NPNT: variants seen among roughly 807,000 people sequenced by gnomAD.
The protein encoded by NPNT is preosteoblast EGF-like repeat protein with MAM domain.
In NPNT, 45 loss-of-function variants were observed where a neutral mutation model predicts 68.6. The observed-to-expected ratio is 0.66, with a 90% confidence interval of 0.52 to 0.84. The LOEUF (loss-of-function observed/expected upper bound fraction) is 0.84, where lower values mean the gene tolerates loss of function less well. NPNT is among the 40% of genes least tolerant of loss of function. The probability of loss-of-function intolerance (pLI) is 0.00; values close to 1 mark genes in which losing one functional copy is unlikely to be tolerated. For synonymous variants in NPNT, 233 were observed against 253.3 expected, an observed-to-expected ratio of 0.92 and a Z score of 0.76; for missense variants, 672 against 714.8, an observed-to-expected ratio of 0.94 and a Z score of 0.68.
Position 105,940,098 on chromosome 4 carries a change from A to G in NPNT, c.529A>G (p.Arg177Gly). 6.2e-7 allele frequency: 1 copy of G among 1,613,382 alleles called. No homozygotes were observed. The highest frequency in any genetic ancestry group is 1.1e-5 in the South Asian group (1 of 91,070). The change falls in exon 6 of 12, where the codon AGA becomes GGA. Residue 177 changes from arginine to glycine, a missense_variant. Transcript: ENST00000379987. ...CVDVDECATG[R>G]ASCPRFRQCV... ...AGATGTTGATGAATGTGCTACAGGA[A>G]GAGCCTCCTGCCCTAGATTTAGGCA...
In NPNT at chr4:105,959,137, T is replaced by G. The variant is rs750070696; in HGVS notation, c.1345+11T>G. ...TCAGGGACCCAGCAGGTAAAACCAT[T>G]TCATTTAACTTTTTCTGGTACACAT... On this transcript the variant is annotated intron_variant, in intron 10 of 11. Transcript: ENST00000379987. 27 of 1,562,498 alleles carry G rather than the reference T, an allele frequency of 1.7e-5. No homozygotes were observed. The South Asian group carries it at 3.0e-4, about 17-fold the overall frequency.
intron 2 of NPNT, among the ~76,000 whole-genome samples, chr4:105,909,964 T>C (rs1213959967): frequency 6.6e-6 from 1 of 152,180 alleles, no homozygotes; most frequent in Non-Finnish European, 1.5e-5. Context: ...TAGCATTTTA[T>C]TATTTCTTTT....
rs1363839212 is a variant in NPNT, at chr4:105,955,806, C to T, written c.1160-2665C>T. Among the ~76,000 whole-genome samples, 4 of 151,578 alleles carry T rather than the reference C, an allele frequency of 2.6e-5. No individual in the cohort carries two copies. The East Asian group carries it at 5.8e-4, about 22-fold the overall frequency. On this transcript the variant is annotated intron_variant, in intron 8 of 11. Transcript: ENST00000379987. ...TTTTCACATAAACTCTAAAGTGTAT[C>T]GGGGGTGGGTAGTTTTTTTTCTCTT... is the stretch of plus-strand genomic sequence containing the variant.
At chr4:105,913,349 G>T (rs1727531837) in intron 2 of NPNT, among the ~76,000 whole-genome samples, 1 of 152,190 alleles carries the variant, frequency 6.6e-6, no homozygotes, top group African/African-American at 2.4e-5. Flanking sequence ...AGCAGTTATA[G>T]GATTGACTAG....
intron 1 of NPNT, among the ~76,000 whole-genome samples, chr4:105,897,680 G>A (rs1224805758): frequency 1.3e-5 from 2 of 152,080 alleles, no homozygotes; most frequent in Non-Finnish European, 2.9e-5. Context: ...TCCTACCCTT[G>A]TGTGTTGGGG....
chr4:105,961,330 G>C (rs1731702511), intron 10 of NPNT, among the ~76,000 whole-genome samples: 1 of 152,162 alleles, frequency 6.6e-6, no homozygotes, highest in South Asian at 2.1e-4. Context: ...ACTGACCACT[G>C]ACCTGGAGTA....
chr4:105,912,391 A>T (rs1727443591), intron 2 of NPNT, among the ~76,000 whole-genome samples: 1 of 152,212 alleles, frequency 6.6e-6, no homozygotes, highest in African/African-American at 2.4e-5. Flanking sequence ...AGATGTGCTT[A>T]TTCTATACAT....
At chr4:105,937,920 A>G (rs1327627055) in intron 4 of NPNT, among the ~76,000 whole-genome samples, 1 of 152,224 alleles carries the variant, frequency 6.6e-6, no homozygotes, top group Non-Finnish European at 1.5e-5. Flanking sequence ...GAATTAGGTG[A>G]ATACATGTTT....
At position 105,967,311 on chromosome 4, in the gene NPNT, C is replaced by T. The variant is rs141917363; in HGVS notation, c.1469C>T (p.Thr490Met). The T allele has an allele frequency of 1.1e-3, 1,725 of 1,613,712 alleles. 3 individuals carry two copies. Among genetic ancestry groups the T allele is most frequent in the Non-Finnish European group, 1.3e-3 (1,507 of 1,179,854 alleles). The change falls in exon 11 of 12, where the codon ACG becomes ATG. Residue 490 changes from threonine (T) to methionine (M), a missense_variant. By Grantham distance (81) the Thr-to-Met change is moderately conservative. Transcript: ENST00000379987. Reference sequence around the variant, plus strand: ...TGCCTGTCATTCAGGCACAAGGTGACGGGGCTGCACTCTGGCACACTCCAG... The same window carrying T: ...TGCCTGTCATTCAGGCACAAGGTGATGGGGCTGCACTCTGGCACACTCCAG... Reference protein sequence around the residue: ...DLCLSFRHKVTGLHSGTLQVF... With the variant: ...DLCLSFRHKVMGLHSGTLQVF...
intron 2 of NPNT, among the ~76,000 whole-genome samples, chr4:105,923,733 G>A (rs566383304): frequency 6.6e-6 from 1 of 152,018 alleles, no homozygotes; most frequent in South Asian, 2.1e-4. Context: ...GCATTCCAAA[G>A]CCCCACCCCA....
chr4:105,931,190 A>C (rs1169887293), intron 3 of NPNT, among the ~76,000 whole-genome samples: 1 of 152,146 alleles, frequency 6.6e-6, no homozygotes, highest in East Asian at 1.9e-4. Context: ...ATAGATAATA[A>C]TCTTTTTATA....
intron 3 of NPNT, chr4:105,932,658 CT>C: frequency 6.5e-7 from 1 of 1,536,078 alleles, no homozygotes; most frequent in South Asian, 1.2e-5. Flanking sequence ...TGAACAGCCT[CT>C]TTTCCAACCC....
chr4:105,936,500 G>A (rs4507363), intron 3 of NPNT, among the ~76,000 whole-genome samples: 132,116 of 152,200 alleles, frequency 0.87, 57,942 homozygotes, highest in East Asian at 1. Context: ...TTCCTGTAAA[G>A]TAAAATATTC....
chr4:105,963,097 C>A (rs28676291), intron 10 of NPNT, among the ~76,000 whole-genome samples: 14,311 of 151,988 alleles, frequency 0.094, 871 homozygotes, highest in African/African-American at 0.18. Context: ...TGGTGGCAGG[C>A]ACCTGTAGTC....
At position 105,940,057 on chromosome 4, in the gene NPNT, A is replaced by T; in HGVS notation, c.506-18A>T. The stretch of plus-strand genomic sequence containing the variant: ...ATACCCTTGCTCTTCCTAAAATGCT[A>T]TTGACTTATGTTTCTAGATGTTGAT... On this transcript the variant is annotated intron_variant, in intron 5 of 11. Transcript: ENST00000379987. 6.2e-7 allele frequency: 1 copy of T among 1,610,978 alleles called. No individual in the cohort carries two copies. Among genetic ancestry groups the T allele is most frequent in the South Asian group, 1.1e-5 (1 of 91,030 alleles).
In NPNT at chr4:105,967,444, C is replaced by G. The variant is rs140949446; in HGVS notation, c.1602C>G (p.Ser534Arg). The change falls in exon 11 of 12, where the codon AGC becomes AGG. Residue 534 changes from serine to arginine, a missense_variant and splice_region_variant. Ser to Arg is a moderately radical substitution (Grantham distance 110). Transcript: ENST00000379987. ...QITLRGADIK[S>R]VVFKGEKRRG... ...CCTTGCGAGGGGCTGACATCAAGAG[C>G]GTAAGTAGATCCACAAAGGAGGCAG... The G allele has an allele frequency of 6.4e-7, 1 of 1,560,638 alleles. No individual in the cohort carries two copies. The highest frequency in any genetic ancestry group is 8.6e-7 in the Non-Finnish European group (1 of 1,156,740).
intron 2 of NPNT, among the ~76,000 whole-genome samples, chr4:105,898,355 TC>T (rs1560881900): frequency 1.6e-4 from 23 of 145,718 alleles, no homozygotes; most frequent in African/African-American, 4.6e-4. Context: ...TCTCTCTCTC[TC>T]TCTCTCTCTC....
At chr4:105,922,716 C>G (rs545449252) in intron 2 of NPNT, among the ~76,000 whole-genome samples, 1 of 152,150 alleles carries the variant, frequency 6.6e-6, no homozygotes, top group African/African-American at 2.4e-5. Context: ...GTTTCTTTTT[C>G]TAGTTAAAAC....
At position 105,900,840 on chromosome 4, in the gene NPNT, T is replaced by TTTG. The variant is rs200162056; in HGVS notation, c.172+2841_172+2842insGTT. Among the ~76,000 whole-genome samples, 719 of 151,244 alleles carry TTTG rather than the reference T, an allele frequency of 4.8e-3. 13 individuals are homozygous for TTTG. Among genetic ancestry groups the TTTG allele is most frequent in the African/African-American group, 0.016 (647 of 40,910 alleles). On this transcript the variant is annotated intron_variant, in intron 2 of 11. Transcript: ENST00000379987. ...GTAGGTCATACCCTTGGTTGTTTTT[T>TTTG]TTTTTTTTTTTTTTGATTCTTTGTT...
Sources: gnomAD v4.1 joint callset for allele counts (sites outside exome capture counted in the v4.1 genomes callset) on GRCh38, gnomAD v4.1.1 for gene constraint, MANE v1.5 for transcripts, NCBI Gene and HGNC (gene_info 2026-07-23, HGNC 2026-07-21) for gene names.